The following CELF4 variants were observed in gnomAD, a reference collection of about 807,000 sequenced individuals.
CELF4 encodes the protein CUG-BP- and ETR-3-like factor 4.
In CELF4, 18 loss-of-function variants were observed where a neutral mutation model predicts 59.9. The observed-to-expected ratio is 0.30, with a 90% confidence interval of 0.21 to 0.45. The LOEUF (loss-of-function observed/expected upper bound fraction) is 0.45. Ranked by LOEUF, CELF4 falls within the 20% of genes least tolerant of loss-of-function variation. The probability of loss-of-function intolerance (pLI) is 1.00; values close to 1 mark genes in which losing one functional copy is unlikely to be tolerated. For synonymous variants in CELF4, 261 were observed against 267.1 expected, an observed-to-expected ratio of 0.98 and a Z score of 0.22; for missense variants, 456 against 689.0, an observed-to-expected ratio of 0.66 and a Z score of 3.79.
At chr18:37,437,843 G>A (rs1023215866) in intron 2 of CELF4, among the ~76,000 whole-genome samples, 1 of 152,292 alleles carries the variant, frequency 6.6e-6, no homozygotes, top group Non-Finnish European at 1.5e-5. Context: ...AGGACTTGAC[G>A]TTTGTGTCCC....
intron 2 of CELF4, among the ~76,000 whole-genome samples, chr18:37,357,309 G>A (rs540297292): frequency 1.3e-5 from 2 of 152,354 alleles, no homozygotes; most frequent in Admixed American, 1.3e-4. Flanking sequence ...GGGGCTGAAA[G>A]GGGCCAGCGT....
chr18:37,553,187 GA>G (rs2099983760), intron 1 of CELF4, among the ~76,000 whole-genome samples: 1 of 152,066 alleles, frequency 6.6e-6, no homozygotes, highest in African/African-American at 2.4e-5. Flanking sequence ...TCAATAAAAA[GA>G]TTTTTTTTTT....
chr18:37,294,570 AAG>A (rs2095533453), intron 3 of CELF4, among the ~76,000 whole-genome samples: 3 of 152,346 alleles, frequency 2.0e-5, no homozygotes, highest in South Asian at 4.1e-4. Context: ...AAATGCTCTC[AAG>A]CCATCAGTTT....
intron 3 of CELF4, among the ~76,000 whole-genome samples, chr18:37,314,475 A>G (rs751273186): frequency 1.1e-4 from 17 of 152,188 alleles, no homozygotes; most frequent in Non-Finnish European, 2.2e-4. Flanking sequence ...GACAGACAGA[A>G]AAAGAAAGAA....
chr18:37,300,939 A>G (rs2095990276), intron 3 of CELF4, among the ~76,000 whole-genome samples: 1 of 152,230 alleles, frequency 6.6e-6, no homozygotes, highest in African/African-American at 2.4e-5. Flanking sequence ...CTGGAGCAAG[A>G]GATTCAGGCA....
intron 1 of CELF4, among the ~76,000 whole-genome samples, chr18:37,549,883 T>C (rs936439161): frequency 3.0e-4 from 45 of 152,106 alleles, no homozygotes; most frequent in African/African-American, 1.1e-3. Flanking sequence ...CTGTGATCCA[T>C]ACAATTATAT....
intron 3 of CELF4, among the ~76,000 whole-genome samples, chr18:37,298,028 G>C (rs1168303074): frequency 6.6e-6 from 1 of 152,218 alleles, no homozygotes; most frequent in Non-Finnish European, 1.5e-5. Flanking sequence ...TCCTCCTTCT[G>C]TGGTCTGCAC....
intron 3 of CELF4, among the ~76,000 whole-genome samples, chr18:37,294,464 A>G (rs1326859322): frequency 6.6e-6 from 1 of 152,178 alleles, no homozygotes; most frequent in Non-Finnish European, 1.5e-5. Context: ...GCTCCTATGC[A>G]TGGGTCACCC....
At chr18:37,274,149 C>A in intron 6 of CELF4, 162 bp downstream of exon 6, 1 of 1,455,184 alleles carries the variant, frequency 6.9e-7, no homozygotes, top group Non-Finnish European at 9.0e-7. Flanking sequence ...TCAAACCCTT[C>A]TGAAGTTAAA....
Position 37,381,813 on chromosome 18 carries a change from G to A in CELF4, c.370-59932C>T, listed in dbSNP as rs184717608. ...CTTGGCCCACTACCTGCATCTATGA[G>A]AATTCCTAGCAAGTTCCTGTGCGGT... On this transcript the variant is annotated intron_variant, in intron 2 of 12. Coordinates refer to ENST00000420428, the MANE Select transcript of CELF4 (RefSeq NM_020180.4). Among the ~76,000 whole-genome samples the A allele has an allele frequency of 1.1e-4, 17 of 152,254 alleles. No individual in the cohort carries two copies. In the East Asian group the frequency reaches 3.1e-3, roughly 28 times the overall value.
intron 11 of CELF4, 150 bp downstream of exon 11, chr18:37,259,031 G>A (rs1179820395): frequency 5.0e-6 from 6 of 1,208,912 alleles, no homozygotes; most frequent in South Asian, 1.4e-5. Flanking sequence ...CAATGTGAAG[G>A]AGCAGGTTAA....
At chr18:37,507,167 G>A (rs1211991926) in intron 1 of CELF4, among the ~76,000 whole-genome samples, 1 of 152,190 alleles carries the variant, frequency 6.6e-6, no homozygotes, top group East Asian at 1.9e-4. Context: ...GATCCCAGCT[G>A]AGCACGATGG....
intron 3 of CELF4, among the ~76,000 whole-genome samples, chr18:37,318,993 C>G (rs557960088): frequency 1.0e-3 from 153 of 152,308 alleles, no homozygotes; most frequent in African/African-American, 3.7e-3. Flanking sequence ...CCTTCAAGAC[C>G]AGAAGGGCCA....
chr18:37,399,257 A>G (rs2099289109), intron 2 of CELF4, among the ~76,000 whole-genome samples: 2 of 152,140 alleles, frequency 1.3e-5, no homozygotes, highest in African/African-American at 2.4e-5. Flanking sequence ...GTCATGGTGA[A>G]TGGATTGATG....
intron 2 of CELF4, among the ~76,000 whole-genome samples, chr18:37,374,354 C>G (rs979142728): frequency 2.0e-5 from 3 of 152,204 alleles, no homozygotes; most frequent in Non-Finnish European, 2.9e-5. Context: ...TGCAGGGGCT[C>G]ATGCAGCTCA....
intron 1 of CELF4, among the ~76,000 whole-genome samples, chr18:37,487,460 C>G (rs1487154421): frequency 6.6e-6 from 1 of 152,194 alleles, no homozygotes; most frequent in African/African-American, 2.4e-5. Flanking sequence ...CTCATGTCTC[C>G]CTTCCTCCAG....
At chr18:37,547,144 ATG>A (rs1555641852) in intron 1 of CELF4, among the ~76,000 whole-genome samples, 2 of 102,354 alleles carry the variant, frequency 2.0e-5, no homozygotes, top group African/African-American at 7.0e-5. Flanking sequence ...TGCTTAGTGT[ATG>A]TGTGTGTGTG....
intron 1 of CELF4, among the ~76,000 whole-genome samples, chr18:37,517,348 G>T (rs778894211): frequency 6.6e-6 from 1 of 152,134 alleles, no homozygotes; most frequent in Non-Finnish European, 1.5e-5. Context: ...AAACTGCAAG[G>T]TGTCTTGCAA....
intron 2 of CELF4, among the ~76,000 whole-genome samples, chr18:37,450,538 G>A (rs535889333): frequency 4.6e-5 from 7 of 151,808 alleles, no homozygotes; most frequent in Admixed American, 6.6e-5. Context: ...CTTATTCAAG[G>A]CAGATAAAGT....
Sources: allele counts gnomAD v4.1 joint callset (sites outside exome capture counted in the v4.1 genomes callset), GRCh38; gene constraint gnomAD v4.1.1; transcripts MANE v1.5; gene names NCBI Gene and HGNC (gene_info 2026-07-23, HGNC 2026-07-21).